The following RPAP2 variants were observed in gnomAD, a reference collection of about 807,000 sequenced individuals.
The protein encoded by RPAP2 is RNA polymerase II associated protein 2.
A neutral mutation model predicts 73.1 loss-of-function variants in RPAP2; 52 were observed. The ratio of observed to expected loss-of-function variants is 0.71; its 90% confidence interval spans 0.57 to 0.90. The LOEUF (loss-of-function observed/expected upper bound fraction) is 0.90. RPAP2 is among the 40% of genes least tolerant of loss of function. The pLI is 0.00. For synonymous variants in RPAP2, 225 were observed against 242.1 expected, an observed-to-expected ratio of 0.93 and a Z score of 0.65; for missense variants, 598 against 701.8, an observed-to-expected ratio of 0.85 and a Z score of 1.67.
At chr1:92,338,760 T>TG (rs1653428791) in intron 10 of RPAP2, among the ~76,000 whole-genome samples, 2 of 151,432 alleles carry the variant, frequency 1.3e-5, no homozygotes, top group South Asian at 4.2e-4. Flanking sequence ...AGCCGCAGCC[T>TG]GGCTAATTTT....
intron 6 of RPAP2, among the ~76,000 whole-genome samples, chr1:92,313,952 T>G (rs529339281): frequency 2.2e-4 from 34 of 152,344 alleles, no homozygotes; most frequent in African/African-American, 7.9e-4. Flanking sequence ...CTTCTGCAGC[T>G]TCCTCACCTC....
intron 6 of RPAP2, among the ~76,000 whole-genome samples, chr1:92,315,462 A>G (rs1031983977): frequency 6.6e-6 from 1 of 152,254 alleles, no homozygotes; most frequent in African/African-American, 2.4e-5. Flanking sequence ...TGGTGCTGAC[A>G]GACTGGCAGA....
intron 8 of RPAP2, among the ~76,000 whole-genome samples, chr1:92,325,226 TACC>T (rs1198000803): frequency 1.3e-5 from 2 of 152,180 alleles, no homozygotes; most frequent in Admixed American, 1.3e-4. Flanking sequence ...ACCTTGTTTT[TACC>T]ACAAAACTTT....
chr1:92,315,847 TCCTGATAC>T (rs1651876146), intron 6 of RPAP2, among the ~76,000 whole-genome samples: 1 of 152,144 alleles, frequency 6.6e-6, no homozygotes, highest in African/African-American at 2.4e-5. Flanking sequence ...ACAAAATGTC[TCCTGATAC>T]CCTGTTAGAG....
At chr1:92,374,057 C>G (rs893491408) in intron 11 of RPAP2, among the ~76,000 whole-genome samples, 12 of 152,168 alleles carry the variant, frequency 7.9e-5, no homozygotes, top group African/African-American at 2.9e-4. Context: ...ATGAAAGCAA[C>G]TATGGAATAT....
chr1:92,373,540 T>C (rs1473590858), intron 11 of RPAP2, among the ~76,000 whole-genome samples: 1 of 151,906 alleles, frequency 6.6e-6, no homozygotes, highest in Non-Finnish European at 1.5e-5. Context: ...TTGTAATTGC[T>C]CTAATCATCA....
chr1:92,386,614 G>C (rs370368345), intron 12 of RPAP2, among the ~76,000 whole-genome samples: 96 of 152,336 alleles, frequency 6.3e-4, no homozygotes, highest in South Asian at 2.3e-3. Flanking sequence ...GAATATACAT[G>C]ATGGGGAAGA....
chr1:92,358,566 A>C (rs140448766), intron 11 of RPAP2, among the ~76,000 whole-genome samples: 19 of 152,090 alleles, frequency 1.2e-4, no homozygotes, highest in Middle Eastern at 3.2e-3. Flanking sequence ...CTGTACTTAA[A>C]ATTTTTAGGG....
chr1:92,310,960 TATA>T (rs1186396615), intron 6 of RPAP2, among the ~76,000 whole-genome samples: 5 of 152,220 alleles, frequency 3.3e-5, no homozygotes, highest in African/African-American at 4.8e-5. Context: ...TTTCGACCAC[TATA>T]ATAAGTGCAT....
intron 10 of RPAP2, among the ~76,000 whole-genome samples, chr1:92,341,021 A>G (rs982684807): frequency 7.9e-5 from 12 of 151,950 alleles, no homozygotes; most frequent in African/African-American, 2.9e-4. Flanking sequence ...ATTTATTTTT[A>G]TTTTTGAGAC....
At chr1:92,314,946 G>A (rs1226926264) in intron 6 of RPAP2, among the ~76,000 whole-genome samples, 12 of 150,132 alleles carry the variant, frequency 8.0e-5, no homozygotes, top group African/African-American at 2.9e-4. Context: ...TCGGGAGGCT[G>A]AGGTGCGAGA....
At chr1:92,371,751 G>T (rs1655163816) in intron 11 of RPAP2, among the ~76,000 whole-genome samples, 1 of 151,654 alleles carries the variant, frequency 6.6e-6, no homozygotes, top group Non-Finnish European at 1.5e-5. Context: ...CCTGGGCCAG[G>T]TGCAGTGGCT....
chr1:92,309,355 T>C (rs1444858470), intron 6 of RPAP2, among the ~76,000 whole-genome samples: 2 of 151,584 alleles, frequency 1.3e-5, no homozygotes, highest in Non-Finnish European at 2.9e-5. Context: ...GGTAGGAGAA[T>C]TGCTTGAACC....
intron 8 of RPAP2, among the ~76,000 whole-genome samples, chr1:92,327,924 G>C (rs547803279): frequency 6.6e-6 from 1 of 152,030 alleles, no homozygotes; most frequent in Non-Finnish European, 1.5e-5. Flanking sequence ...CCTTAGTTTC[G>C]CTGGATACAA....
chr1:92,349,081 A>T (rs1006942483), intron 11 of RPAP2, among the ~76,000 whole-genome samples: 1 of 152,226 alleles, frequency 6.6e-6, no homozygotes, highest in Non-Finnish European at 1.5e-5. Flanking sequence ...ACATGGGTGT[A>T]TGTCTTTTTT....
At chr1:92,366,549 A>G (rs1654942331) in intron 11 of RPAP2, among the ~76,000 whole-genome samples, 1 of 152,174 alleles carries the variant, frequency 6.6e-6, no homozygotes, top group Non-Finnish European at 1.5e-5. Context: ...GGAGGAAGCC[A>G]GGGGCCACAT....
intron 11 of RPAP2, among the ~76,000 whole-genome samples, chr1:92,354,218 C>G (rs1438381496): frequency 6.6e-6 from 1 of 152,136 alleles, no homozygotes; most frequent in East Asian, 1.9e-4. Flanking sequence ...AAGCATGAAG[C>G]TTAAGGGAAC....
At chr1:92,369,450 G>A (rs565759785) in intron 11 of RPAP2, among the ~76,000 whole-genome samples, 22 of 152,204 alleles carry the variant, frequency 1.4e-4, no homozygotes, top group South Asian at 2.1e-4. Flanking sequence ...GACTTCAGGC[G>A]TGCACCTCCA....
At chr1:92,346,311 A>G (rs563295714) in intron 11 of RPAP2, among the ~76,000 whole-genome samples, 1 of 151,966 alleles carries the variant, frequency 6.6e-6, no homozygotes, top group Non-Finnish European at 1.5e-5. Flanking sequence ...CTATAGTCAC[A>G]CACCACCATG....
Sources: allele counts gnomAD v4.1 joint callset (sites outside exome capture counted in the v4.1 genomes callset), GRCh38; gene constraint gnomAD v4.1.1; transcripts MANE v1.5; gene names NCBI Gene and HGNC (gene_info 2026-07-23, HGNC 2026-07-21).